CHST8: variants seen among roughly 807,000 people sequenced by gnomAD.
CHST8 encodes GALNAC-4-ST1.
CHST8 carries 10 observed loss-of-function variants against 15.0 expected under a neutral mutation model. That is an observed-to-expected ratio of 0.67 (90% confidence interval 0.41 to 1.13). CHST8 has a LOEUF of 1.13. Ranked by LOEUF, CHST8 falls within the 50% of genes most tolerant of loss-of-function variation. The probability of loss-of-function intolerance (pLI) is 0.00; values close to 1 mark genes in which losing one functional copy is unlikely to be tolerated. For synonymous variants in CHST8, 259 were observed against 256.6 expected, an observed-to-expected ratio of 1.01 and a Z score of -0.09; for missense variants, 634 against 608.2, an observed-to-expected ratio of 1.04 and a Z score of -0.45.
chr19:33,756,103 C>T (rs772264086), intron 3 of CHST8, among the ~76,000 whole-genome samples: 14 of 152,170 alleles, frequency 9.2e-5, no homozygotes, highest in South Asian at 8.3e-4. Context: ...GAGCGAAGAA[C>T]GGGAAGGGGG....
intron 2 of CHST8, among the ~76,000 whole-genome samples, chr19:33,669,029 A>C (rs79639034): frequency 1.5e-4 from 23 of 152,280 alleles, no homozygotes; most frequent in African/African-American, 5.3e-4. Context: ...TCAGGAGTTG[A>C]AGTTGCTTCT....
At chr19:33,698,735 G>C (rs1000997727) in intron 3 of CHST8, among the ~76,000 whole-genome samples, 2 of 152,118 alleles carry the variant, frequency 1.3e-5, no homozygotes, top group African/African-American at 4.8e-5. Flanking sequence ...TGTCTGAGAT[G>C]CTTGGCAGGG....
chr19:33,700,866 A>G (rs1451772849), intron 3 of CHST8, among the ~76,000 whole-genome samples: 2 of 152,166 alleles, frequency 1.3e-5, no homozygotes, highest in African/African-American at 4.8e-5. Context: ...TGCAGTGTGA[A>G]GGGTGTCCCC....
chr19:33,714,966 C>A (rs1973637930), intron 3 of CHST8, among the ~76,000 whole-genome samples: 1 of 151,806 alleles, frequency 6.6e-6, no homozygotes, highest in Non-Finnish European at 1.5e-5. Flanking sequence ...GCAGCCCACC[C>A]TGAGAGATCC....
intron 3 of CHST8, among the ~76,000 whole-genome samples, chr19:33,721,633 T>TGTGG (rs1295074724): frequency 5.2e-5 from 1 of 19,376 alleles, no homozygotes; most frequent in Non-Finnish European, 9.7e-5. Flanking sequence ...TAGATGGATG[T>TGTGG]GTGGGTGGGT....
At chr19:33,625,580 G>A (rs907031524) in intron 1 of CHST8, among the ~76,000 whole-genome samples, 5 of 152,052 alleles carry the variant, frequency 3.3e-5, no homozygotes, top group Non-Finnish European at 2.9e-5. Context: ...TTAAAAGATC[G>A]GCCAGGCACG....
At chr19:33,700,365 C>T (rs1443710812) in intron 3 of CHST8, among the ~76,000 whole-genome samples, 1 of 152,240 alleles carries the variant, frequency 6.6e-6, no homozygotes. Context: ...AGGGCTGGAA[C>T]TCTCAGAACC....
chr19:33,642,791 G>A (rs969050222), intron 1 of CHST8, among the ~76,000 whole-genome samples: 9 of 152,208 alleles, frequency 5.9e-5, no homozygotes, highest in African/African-American at 1.7e-4. Context: ...GCTACCTTAC[G>A]TCTCTATCGC....
At position 33,689,221 on chromosome 19, in the gene CHST8, T is replaced by C; in HGVS notation, c.-41T>C. ...TGGTGTGGACGATGAGGGAAGAACG[T>C]GCCCCCCACACCCAAGAGGTGACCC... On this transcript the variant is annotated 5_prime_UTR_variant, in exon 3 of 5. Coordinates refer to ENST00000650847, the MANE Select transcript of CHST8 (RefSeq NM_001127895.2). The C allele has an allele frequency of 6.7e-7, 1 of 1,501,470 alleles. No homozygotes were observed. The highest frequency in any genetic ancestry group is 8.9e-7 in the Non-Finnish European group (1 of 1,125,212). The allele number at this position is 1,501,470 out of a possible 1,614,324, so 93.0% of individuals were successfully genotyped here.
chr19:33,743,362 C>T (rs920043632), intron 3 of CHST8, among the ~76,000 whole-genome samples: 12 of 144,740 alleles, frequency 8.3e-5, no homozygotes, highest in Non-Finnish European at 1.8e-4. Flanking sequence ...TGCAGTGGCG[C>T]GATCTCGGCT....
chr19:33,690,646 CTG>C (rs1198221056), intron 3 of CHST8, among the ~76,000 whole-genome samples: 1 of 152,220 alleles, frequency 6.6e-6, no homozygotes, highest in Non-Finnish European at 1.5e-5. Context: ...TGACTCACGC[CTG>C]TGCCGGGCCC....
chr19:33,622,488 G>T (rs181996892), intron 1 of CHST8, among the ~76,000 whole-genome samples, 192 bp downstream of exon 1: 244 of 152,322 alleles, frequency 1.6e-3, no homozygotes, highest in African/African-American at 5.7e-3. Flanking sequence ...TGCACTTTGG[G>T]GACCGGCCCC....
chr19:33,644,547 C>T (rs2145204024), intron 1 of CHST8, among the ~76,000 whole-genome samples: 1 of 151,916 alleles, frequency 6.6e-6, no homozygotes, highest in Admixed American at 6.6e-5. Context: ...CAAGCCTGGG[C>T]AACATAGCAA....
At chr19:33,741,506 G>A (rs1974193532) in intron 3 of CHST8, among the ~76,000 whole-genome samples, 1 of 152,148 alleles carries the variant, frequency 6.6e-6, no homozygotes, top group Non-Finnish European at 1.5e-5. Flanking sequence ...CATACCTGAG[G>A]CCACAAACAT....
chr19:33,702,646 T>A (rs899486107), intron 3 of CHST8, among the ~76,000 whole-genome samples: 1 of 152,122 alleles, frequency 6.6e-6, no homozygotes, highest in Non-Finnish European at 1.5e-5. Context: ...GTAGCCCCAG[T>A]GTTGGGTTGC....
intron 4 of CHST8, 44 bp downstream of exon 4, chr19:33,771,494 G>C (rs572359168): frequency 6.3e-7 from 1 of 1,591,070 alleles, no homozygotes; most frequent in Non-Finnish European, 8.6e-7. Context: ...CACAGCCCTT[G>C]GGAAACTGGG....
intron 4 of CHST8, 75 bp from the exon 5 acceptor site, chr19:33,771,882 G>A (rs1389844665): frequency 4.0e-6 from 6 of 1,487,204 alleles, no homozygotes; most frequent in African/African-American, 1.4e-5. Flanking sequence ...CAGCCGTGGT[G>A]AGAGCCTGAC....
At chr19:33,726,688 G>T (rs1041016321) in intron 3 of CHST8, among the ~76,000 whole-genome samples, 1 of 152,110 alleles carries the variant, frequency 6.6e-6, no homozygotes, top group Admixed American at 6.5e-5. Flanking sequence ...CCCACCTCTC[G>T]ACAGCAGTGC....
At chr19:33,728,069 G>C (rs1471560032) in intron 3 of CHST8, among the ~76,000 whole-genome samples, 4 of 152,280 alleles carry the variant, frequency 2.6e-5, no homozygotes, top group South Asian at 2.1e-4. Flanking sequence ...GGCCACACCT[G>C]TGGCTGTCCA....
Sources: gnomAD v4.1 joint callset for allele counts (sites outside exome capture counted in the v4.1 genomes callset) on GRCh38, gnomAD v4.1.1 for gene constraint, MANE v1.5 for transcripts, NCBI Gene and HGNC (gene_info 2026-07-23, HGNC 2026-07-21) for gene names.